Variants in SPOCK1 observed in about 807,000 individuals in gnomAD.
SPOCK1 encodes the protein SPARC (osteonectin), cwcv and kazal like domains proteoglycan 1.
A neutral mutation model predicts 55.3 loss-of-function variants in SPOCK1; 23 were observed. The ratio of observed to expected loss-of-function variants is 0.42; its 90% CI spans 0.30 to 0.59. The LOEUF (loss-of-function observed/expected upper bound fraction) is 0.59, where lower values mean the gene tolerates loss of function less well. SPOCK1 is among the 20% of genes least tolerant of loss of function. The pLI is 0.22. For synonymous variants in SPOCK1, 226 were observed against 221.0 expected, an observed-to-expected ratio of 1.02 and a Z score of -0.20; for missense variants, 499 against 552.5, an observed-to-expected ratio of 0.90 and a Z score of 0.97.
At chr5:137,026,828 T>C (rs1751685156) in intron 6 of SPOCK1, among the ~76,000 whole-genome samples, 1 of 152,192 alleles carries the variant, frequency 6.6e-6, no homozygotes, top group African/African-American at 2.4e-5. Context: ...GCAGGCTGGA[T>C]GGCTTGGTGG....
At chr5:137,248,266 C>A (rs1756436453) in intron 3 of SPOCK1, among the ~76,000 whole-genome samples, 1 of 152,284 alleles carries the variant, frequency 6.6e-6, no homozygotes, top group South Asian at 2.1e-4. Context: ...TACTACTTAG[C>A]CCCTGATATT....
At chr5:137,341,177 G>A (rs762650581) in intron 2 of SPOCK1, among the ~76,000 whole-genome samples, 5 of 152,244 alleles carry the variant, frequency 3.3e-5, no homozygotes, top group Admixed American at 6.5e-5. Flanking sequence ...TGTTCTGCAC[G>A]CGCTTGGCAG....
At chr5:137,253,126 G>A (rs1055121189) in intron 3 of SPOCK1, among the ~76,000 whole-genome samples, 8 of 152,144 alleles carry the variant, frequency 5.3e-5, no homozygotes, top group African/African-American at 1.4e-4. Flanking sequence ...ACGTATGTCC[G>A]CATCTACAGC....
intron 2 of SPOCK1, among the ~76,000 whole-genome samples, chr5:137,285,792 T>C (rs1428527774): frequency 6.6e-6 from 1 of 152,156 alleles, no homozygotes; most frequent in East Asian, 1.9e-4. Context: ...CCTAGGGAGA[T>C]ATTTGTAAGA....
At chr5:137,467,917 C>A (rs1244974106) in intron 2 of SPOCK1, among the ~76,000 whole-genome samples, 2 of 152,200 alleles carry the variant, frequency 1.3e-5, no homozygotes, top group Non-Finnish European at 2.9e-5. Flanking sequence ...GGCAAATTGA[C>A]CCTCCATGGT....
At chr5:137,272,470 A>C (rs2961646) in intron 2 of SPOCK1, among the ~76,000 whole-genome samples, 76,505 of 151,998 alleles carry the variant, frequency 0.5, 19,596 homozygotes, top group African/African-American at 0.58. Context: ...TTTATTAAGA[A>C]AGGAGCTAGC....
chr5:137,019,380 C>G (rs966260868), intron 6 of SPOCK1, among the ~76,000 whole-genome samples: 2 of 152,092 alleles, frequency 1.3e-5, no homozygotes, highest in East Asian at 1.9e-4. Context: ...GTTATACATA[C>G]AGTTTAGTGC....
At chr5:137,126,663 G>C (rs1320475472) in intron 4 of SPOCK1, among the ~76,000 whole-genome samples, 1 of 152,208 alleles carries the variant, frequency 6.6e-6, no homozygotes, top group Non-Finnish European at 1.5e-5. Context: ...TCGGGAGGCT[G>C]AGGCAGGGGA....
chr5:137,302,319 C>T (rs546806623), intron 2 of SPOCK1, among the ~76,000 whole-genome samples: 5 of 151,836 alleles, frequency 3.3e-5, no homozygotes, highest in South Asian at 2.1e-4. Flanking sequence ...CCTGTAATCC[C>T]AGCACTTTGG....
chr5:137,133,770 T>C, intron 4 of SPOCK1, among the ~76,000 whole-genome samples: 1 of 152,156 alleles, frequency 6.6e-6, no homozygotes, highest in Non-Finnish European at 1.5e-5. Context: ...GTGGTTTGAA[T>C]GATTACTTTC....
At chr5:137,084,240 C>A (rs1171221416) in intron 5 of SPOCK1, among the ~76,000 whole-genome samples, 2 of 151,878 alleles carry the variant, frequency 1.3e-5, no homozygotes, top group Non-Finnish European at 2.9e-5. Flanking sequence ...TTATTGCCCA[C>A]AAAGATGCAG....
intron 3 of SPOCK1, among the ~76,000 whole-genome samples, chr5:137,246,630 T>C (rs1352353057): frequency 6.6e-6 from 1 of 152,188 alleles, no homozygotes; most frequent in Non-Finnish European, 1.5e-5. Flanking sequence ...CTAAATTTGA[T>C]GGCCCTGACA....
chr5:137,130,301 C>T (rs148568591), intron 4 of SPOCK1, among the ~76,000 whole-genome samples: 59 of 152,276 alleles, frequency 3.9e-4, no homozygotes, highest in Non-Finnish European at 7.8e-4. Flanking sequence ...ACTTTAATCT[C>T]CACAAGGGTA....
chr5:137,251,408 C>T (rs761422851), intron 3 of SPOCK1, among the ~76,000 whole-genome samples: 11 of 152,248 alleles, frequency 7.2e-5, no homozygotes, highest in Non-Finnish European at 1.5e-4. Flanking sequence ...CAGGAGACTG[C>T]AGACTAGTCC....
chr5:137,382,007 CACATA>C (rs1751482165), intron 2 of SPOCK1, among the ~76,000 whole-genome samples: 1 of 152,218 alleles, frequency 6.6e-6, no homozygotes, highest in African/African-American at 2.4e-5. Context: ...TCTTTCTTCA[CACATA>C]CGAGCATATA....
intron 3 of SPOCK1, among the ~76,000 whole-genome samples, chr5:137,174,792 C>T (rs1754823245): frequency 6.6e-6 from 1 of 152,188 alleles, no homozygotes; most frequent in African/African-American, 2.4e-5. Flanking sequence ...GAAGTCCTGG[C>T]CCTTCACCAG....
At chr5:137,025,170 G>A (rs1751649492) in intron 6 of SPOCK1, among the ~76,000 whole-genome samples, 1 of 152,152 alleles carries the variant, frequency 6.6e-6, no homozygotes, top group Non-Finnish European at 1.5e-5. Context: ...AATAAGCACT[G>A]GAGATCCATT....
chr5:137,326,320 C>A (rs1758076379), intron 2 of SPOCK1, among the ~76,000 whole-genome samples: 1 of 151,922 alleles, frequency 6.6e-6, no homozygotes, highest in Non-Finnish European at 1.5e-5. Flanking sequence ...TTTAAGAAAT[C>A]AGGCCAAAGG....
chr5:137,008,313 CA>C (rs1751290280), intron 6 of SPOCK1, among the ~76,000 whole-genome samples: 1 of 151,592 alleles, frequency 6.6e-6, no homozygotes, highest in African/African-American at 2.4e-5. Context: ...CACACACACA[CA>C]CACACACACA....
Sources: allele counts gnomAD v4.1 joint callset (sites outside exome capture counted in the v4.1 genomes callset), GRCh38; gene constraint gnomAD v4.1.1; transcripts MANE v1.5; gene names NCBI Gene and HGNC (gene_info 2026-07-23, HGNC 2026-07-21).